The following RASA3 variants were observed in gnomAD, a reference collection of about 807,000 sequenced individuals.
The protein encoded by RASA3 is RAS p21 protein activator 3.
RASA3 carries 73 observed loss-of-function variants against 110.0 expected under a neutral mutation model. That is an observed-to-expected ratio of 0.66 (90% CI 0.55 to 0.81). The LOEUF is 0.81. Among genes scored for constraint, RASA3 ranks in the 30% least tolerant of loss-of-function variants. The pLI is 0.00. For synonymous variants in RASA3, 500 were observed against 451.4 expected, an observed-to-expected ratio of 1.11 and a Z score of -1.37; for missense variants, 976 against 1,113.2, an observed-to-expected ratio of 0.88 and a Z score of 1.75.
chr13:114,071,509 T>C (rs1322319892), intron 2 of RASA3, among the ~76,000 whole-genome samples: 1 of 152,190 alleles, frequency 6.6e-6, no homozygotes, highest in Non-Finnish European at 1.5e-5. Flanking sequence ...AATGGACTTT[T>C]ATCCAGGGAA....
At chr13:114,097,646 CA>C (rs756178271) in intron 1 of RASA3, among the ~76,000 whole-genome samples, 23 of 152,382 alleles carry the variant, frequency 1.5e-4, no homozygotes, top group South Asian at 6.2e-4. Context: ...TGCCCGGCCA[CA>C]AAGGCTGCCG....
At chr13:114,013,843 T>G (rs2053713028) in intron 14 of RASA3, among the ~76,000 whole-genome samples, 1 of 135,402 alleles carries the variant, frequency 7.4e-6, no homozygotes, top group Non-Finnish European at 1.6e-5. Context: ...TGTCTCTCTC[T>G]CCATCTCTCT....
intron 4 of RASA3, 94 bp from the exon 5 acceptor site, chr13:114,029,981 G>A (rs575497764): frequency 8.2e-7 from 1 of 1,224,172 alleles, no homozygotes; most frequent in Admixed American, 2.0e-5. Context: ...AGGGCAAAGG[G>A]AGCAGGCGGC....
chr13:114,064,900 C>G (rs1308093654), intron 2 of RASA3, among the ~76,000 whole-genome samples: 1 of 152,236 alleles, frequency 6.6e-6, no homozygotes, highest in Non-Finnish European at 1.5e-5. Context: ...GAGGACCAGG[C>G]TCGCCTGAAA....
Position 114,017,261 on chromosome 13 carries a change from G to T in RASA3, c.1182C>A (p.Val394=). Residue 394 remains valine, a synonymous_variant, in exon 12 of 24, where the codon GTC becomes GTA. Transcript: ENST00000334062. ...CCTCCTCGATGGCGGGCTTCAGGGT[G>T]ACATGCAGGTAATGCATCCCCGCCA... The part of the protein sequence containing the change: ...MKLAGMHYLH[V]TLKPAIEEIC... 1.2e-6 allele frequency: 2 copies of T among 1,613,746 alleles called. No homozygotes were observed. Among genetic ancestry groups the T allele is most frequent in the Non-Finnish European group, 1.7e-6 (2 of 1,180,000 alleles).
chr13:113,990,747 G>T (rs1373748346), intron 22 of RASA3, among the ~76,000 whole-genome samples: 1 of 152,258 alleles, frequency 6.6e-6, no homozygotes, highest in South Asian at 2.1e-4. Context: ...ACATGGGCCT[G>T]CACATGTGAG....
rs2053788848 is a variant in RASA3, at chr13:114,016,249, C to T, written c.1229G>A (p.Cys410Tyr). Residue 410 changes from cysteine (C) to tyrosine (Y), a missense_variant, in exon 13 of 24, where the codon TGT (cysteine) becomes TAT (tyrosine). Physicochemically the swap from Cys to Tyr is radical, Grantham distance 194. Coordinates refer to ENST00000334062, the MANE Select transcript of RASA3 (RefSeq NM_007368.4). ...IEEICQSHKPCEIDPVKLKDG... is the reference protein window; with the variant it reads ...IEEICQSHKPYEIDPVKLKDG... ...TTTCAACTTCACAGGGTCGATTTCA[C>T]AGGGTTTGTGGCTCTGGCATATCTG... 6.2e-7 allele frequency: 1 copy of T among 1,600,322 alleles called. No homozygotes were observed. The highest frequency in any genetic ancestry group is 8.6e-7 in the Non-Finnish European group (1 of 1,167,590).
At chr13:114,009,273 T>C (rs1301903629) in intron 17 of RASA3, 114 bp downstream of exon 17, 11 of 891,914 alleles carry the variant, frequency 1.2e-5, no homozygotes, top group Non-Finnish European at 1.6e-5. Context: ...GCCTTTATTG[T>C]TTAAAATCGC....
At chr13:114,060,977 C>A (rs867074849) in intron 2 of RASA3, among the ~76,000 whole-genome samples, 15 of 144,268 alleles carry the variant, frequency 1.0e-4, no homozygotes, top group South Asian at 8.6e-4. Flanking sequence ...TGGAGCCCCC[C>A]ACAGCCGGCA....
Position 114,048,926 on chromosome 13 carries a change from G to T in RASA3, c.277+3126C>A, listed in dbSNP as rs1213726940. Among the ~76,000 whole-genome samples the T allele has an allele frequency of 6.6e-6, 1 of 152,080 alleles. No homozygotes were observed. The highest frequency in any genetic ancestry group is 1.5e-5 in the Non-Finnish European group (1 of 67,994). On this transcript the variant is annotated intron_variant, in intron 3 of 23. Coordinates refer to ENST00000334062, the MANE Select transcript of RASA3 (RefSeq NM_007368.4). This position sits in a 1 kb window ranked among gnomAD's most constrained non-coding sequence, Gnocchi z 4.3. ...TTTATTTCCCCAAGTCTCACTTGCC[G>T]GGGCGCCGTATCCCGGCACGGCTTC...
rs374276502 is a variant in RASA3, at chr13:114,078,433, AAG to A, written c.56-4598_56-4597del. 8.5e-5 allele frequency among the ~76,000 whole-genome samples: 13 copies of A among 152,352 alleles called. No homozygotes were observed. In the East Asian group the frequency reaches 2.5e-3, roughly 29 times the overall value. ...ATGCATGGATGAATAAATGAATTAA[AAG>A]AAAAGTAAACTGGTTTCATCCTAAC... On this transcript the variant is annotated intron_variant, in intron 1 of 23. Transcript: ENST00000334062.
intron 23 of RASA3, among the ~76,000 whole-genome samples, chr13:113,980,910 A>G (rs1017686260): frequency 3.3e-5 from 5 of 152,126 alleles, no homozygotes; most frequent in African/African-American, 1.2e-4. Flanking sequence ...GGGAGGGAGG[A>G]CCAAAGAGAG....
intron 2 of RASA3, among the ~76,000 whole-genome samples, chr13:114,064,004 C>G (rs1164488266): frequency 6.6e-6 from 1 of 152,190 alleles, no homozygotes; most frequent in Non-Finnish European, 1.5e-5. Context: ...TCTTTTCATG[C>G]TCAGGATTTA....
Position 114,047,717 on chromosome 13 carries a change from G to A in RASA3, c.277+4335C>T, listed in dbSNP as rs1488163057. Among the ~76,000 whole-genome samples the A allele has an allele frequency of 2.6e-5, 4 of 152,254 alleles. 1 individual carries two copies. Among genetic ancestry groups the A allele is most frequent in the South Asian group, 4.1e-4 (2 of 4,834 alleles). ...AAACCCACGGGCAGTGGAAGGGGGC[G>A]GCCTGGCTCACAGCCGCACAGCGCG... On this transcript the variant is annotated intron_variant, in intron 3 of 23. Coordinates refer to ENST00000334062, the MANE Select transcript of RASA3 (RefSeq NM_007368.4).
chr13:114,043,696 G>A (rs556344213), intron 3 of RASA3, among the ~76,000 whole-genome samples: 2 of 152,184 alleles, frequency 1.3e-5, no homozygotes, highest in East Asian at 1.9e-4. Context: ...CCCAGCACAT[G>A]TGGGAGAAGG....
At chr13:114,021,274 T>A in intron 9 of RASA3, 130 bp downstream of exon 9, 1 of 723,702 alleles carries the variant, frequency 1.4e-6, no homozygotes. Flanking sequence ...ACATGCAAAG[T>A]AAGAGCAGGT....
rs555094419 is a variant in RASA3, at chr13:114,043,475, G to C, written c.278-2381C>G. Reference sequence around the variant, plus strand: ...CCCAGCTCCGGGACCCCCGCTCACAGCCAGGGCCGGCCAGTTCCACAGCTA... The same window carrying C: ...CCCAGCTCCGGGACCCCCGCTCACACCCAGGGCCGGCCAGTTCCACAGCTA... On this transcript the variant is annotated intron_variant, in intron 3 of 23. Coordinates refer to ENST00000334062, the MANE Select transcript of RASA3 (RefSeq NM_007368.4). Among the ~76,000 whole-genome samples, 8 of 152,232 alleles carry C rather than the reference G, an allele frequency of 5.3e-5. 1 individual carries two copies. In the South Asian group the frequency reaches 1.7e-3, roughly 32 times the overall value.
At chr13:113,999,449 A>G (rs1159197074) in intron 20 of RASA3, 136 bp downstream of exon 20, 1 of 684,132 alleles carries the variant, frequency 1.5e-6, no homozygotes, top group East Asian at 2.7e-5. Flanking sequence ...GAACAACCCG[A>G]GTAACACGAA....
rs1015114928 is a variant in RASA3 at position 114,038,094 on chromosome 13, C to G, written c.372+2906G>C. ...TAAATCAGTAAAAAAAAAAAAAAGGCAAGAAAGAGGAAAAGCTACACCTGC... is the reference window on the plus strand; with the variant it reads ...TAAATCAGTAAAAAAAAAAAAAAGGGAAGAAAGAGGAAAAGCTACACCTGC... On this transcript the variant is annotated intron_variant, in intron 4 of 23. Transcript: ENST00000334062. Among the ~76,000 whole-genome samples, 901 of 148,418 alleles carry G rather than the reference C, an allele frequency of 6.1e-3. 2 individuals carry two copies. The highest frequency in any genetic ancestry group is 0.018 in the African/African-American group (721 of 40,536).
Sources: gnomAD v4.1 joint callset for allele counts (sites outside exome capture counted in the v4.1 genomes callset) on GRCh38, gnomAD v4.1.1 for gene constraint, Gnocchi (gnomAD v3.1) non-coding constraint, MANE v1.5 for transcripts, NCBI Gene and HGNC (gene_info 2026-07-23, HGNC 2026-07-21) for gene names.